The following NCOR1 variants were observed in gnomAD, a reference collection of about 807,000 sequenced individuals.
The protein encoded by NCOR1 is nuclear receptor corepressor 1, also known as protein phosphatase 1, regulatory subunit 109.
NCOR1 carries 63 observed loss-of-function variants against 288.1 expected under a neutral mutation model. The observed-to-expected ratio is 0.22, with a 90% CI of 0.18 to 0.27. The LOEUF (loss-of-function observed/expected upper bound fraction) is 0.27, where lower values mean the gene tolerates loss of function less well. Ranked by LOEUF, NCOR1 falls within the 10% of genes least tolerant of loss-of-function variation. The pLI, the probability that NCOR1 is intolerant of heterozygous loss-of-function variation, is 1.00. For missense variants in NCOR1, 2,397 were observed against 3,019.2 expected, an observed-to-expected ratio of 0.79 and a Z score of 4.83; for synonymous variants, 1,007 against 1,065.9, an observed-to-expected ratio of 0.94 and a Z score of 1.08.
At chr17:16,174,752 G>A (rs541166103) in intron 3 of NCOR1, among the ~76,000 whole-genome samples, 1 of 152,244 alleles carries the variant, frequency 6.6e-6, no homozygotes, top group East Asian at 1.9e-4. Flanking sequence ...AACTAAGCAT[G>A]AAATCTCCAA....
chr17:16,065,996 GT>G (rs925707552), intron 32 of NCOR1: 5 of 389,942 alleles, frequency 1.3e-5, no homozygotes, highest in African/African-American at 1.0e-4. Flanking sequence ...ATCTGCAAGA[GT>G]TGTGTTTGAA....
chr17:16,051,360 C>T (rs766114344), intron 40 of NCOR1, among the ~76,000 whole-genome samples: 1 of 152,134 alleles, frequency 6.6e-6, no homozygotes, highest in Non-Finnish European at 1.5e-5. Context: ...TTATAAAAAT[C>T]ACTCCATACA....
At chr17:16,088,727 C>G (rs546863963) in intron 22 of NCOR1, among the ~76,000 whole-genome samples, 125 of 152,242 alleles carry the variant, frequency 8.2e-4, no homozygotes, top group South Asian at 1.5e-3. Flanking sequence ...TACCATTTTA[C>G]AGATGAGGAA....
chr17:16,106,671 A>G (rs555846858), intron 19 of NCOR1, among the ~76,000 whole-genome samples: 2 of 151,794 alleles, frequency 1.3e-5, no homozygotes, highest in Non-Finnish European at 2.9e-5. Context: ...GAGATTAGGA[A>G]TAAGTATGAG....
At chr17:16,209,501 T>C (rs1856708773) in intron 1 of NCOR1, among the ~76,000 whole-genome samples, 1 of 149,980 alleles carries the variant, frequency 6.7e-6, no homozygotes, top group Admixed American at 6.6e-5. Context: ...GTGGGAGGAT[T>C]ACTTGAGCCC....
intron 45 of NCOR1, 101 bp from the exon 46 acceptor site, chr17:16,032,584 G>A (rs1972307587): frequency 1.7e-6 from 2 of 1,173,952 alleles, no homozygotes; most frequent in Non-Finnish European, 1.2e-6. Flanking sequence ...ATTGTAAAAT[G>A]GTCATGTGAC....
intron 35 of NCOR1, among the ~76,000 whole-genome samples, chr17:16,063,803 C>T (rs997094347): frequency 6.6e-6 from 1 of 152,180 alleles, no homozygotes; most frequent in Non-Finnish European, 1.5e-5. Flanking sequence ...AGCTCTGTGA[C>T]CAATATCTTC....
intron 42 of NCOR1, among the ~76,000 whole-genome samples, chr17:16,041,799 C>A (rs372736284): frequency 6.7e-6 from 1 of 150,262 alleles, no homozygotes; most frequent in Non-Finnish European, 1.5e-5. Context: ...TGCAGCGGTG[C>A]GATCTTGGCT....
intron 1 of NCOR1, among the ~76,000 whole-genome samples, chr17:16,207,223 G>A (rs1164664572): frequency 2.0e-5 from 3 of 152,158 alleles, no homozygotes; most frequent in Admixed American, 6.6e-5. Context: ...TCAAAGTCAT[G>A]ATGATGACTA....
intron 28 of NCOR1, 89 bp downstream of exon 28, chr17:16,073,340 C>G (rs1598214623): frequency 1.7e-6 from 2 of 1,205,286 alleles, no homozygotes; most frequent in Middle Eastern, 4.7e-4. Context: ...GTGGAAATGA[C>G]AGAAATTGCA....
intron 30 of NCOR1, 113 bp downstream of exon 30, chr17:16,071,296 G>T: frequency 1.4e-6 from 2 of 1,411,792 alleles, no homozygotes; most frequent in Non-Finnish European, 1.9e-6. Flanking sequence ...AAACTTTCAT[G>T]TTTACTTCCA....
intron 21 of NCOR1, among the ~76,000 whole-genome samples, chr17:16,092,380 G>C (rs560419269): frequency 6.6e-6 from 1 of 151,672 alleles, no homozygotes; most frequent in African/African-American, 2.4e-5. Context: ...CCAGCTACTC[G>C]GGAGGCTGAC....
chr17:16,122,852 G>A (rs1412930575), intron 15 of NCOR1, among the ~76,000 whole-genome samples: 1 of 152,156 alleles, frequency 6.6e-6, no homozygotes, highest in East Asian at 1.9e-4. Context: ...GCCCAGGGTA[G>A]TCATGAATTC....
chr17:16,158,432 G>A (rs1034520199), intron 6 of NCOR1, among the ~76,000 whole-genome samples: 1 of 152,120 alleles, frequency 6.6e-6, no homozygotes, highest in Admixed American at 6.6e-5. Context: ...CTGCAGGATG[G>A]TTGTTTTGTA....
At chr17:16,125,936 A>G (rs1413783126) in intron 15 of NCOR1, 146 bp downstream of exon 15, 4 of 462,132 alleles carry the variant, frequency 8.7e-6, no homozygotes, top group South Asian at 4.8e-5. Context: ...TATAATGTAC[A>G]CTATTTGGGC....
intron 9 of NCOR1, among the ~76,000 whole-genome samples, chr17:16,148,117 C>T (rs566247546): frequency 6.6e-6 from 1 of 152,116 alleles, no homozygotes; most frequent in African/African-American, 2.4e-5. Flanking sequence ...GCACCTGCCC[C>T]GCTAAATGCA....
chr17:16,050,161 A>G (rs1269709800), intron 40 of NCOR1, among the ~76,000 whole-genome samples: 3 of 151,736 alleles, frequency 2.0e-5, no homozygotes, highest in African/African-American at 7.3e-5. Flanking sequence ...GGCTCAAGCA[A>G]TCCTCCCACC....
Position 16,032,181 on chromosome 17 carries a change from GA to G in NCOR1, c.*114del. On this transcript the variant is annotated 3_prime_UTR_variant, in exon 46 of 46. Transcript: ENST00000268712. ...TCATCATCTGTGGGCTGGCTCTCCT[GA>G]AAAGTCTCAGGGAATAAGTCACAGG... 9.4e-7 allele frequency: 1 copy of G among 1,061,684 alleles called. No homozygotes were observed. The highest frequency in any genetic ancestry group is 1.3e-6 in the Non-Finnish European group (1 of 770,108). The allele number at this position is 1,061,684 out of a possible 1,614,324, so 65.8% of individuals were successfully genotyped here. A position where few individuals can be genotyped will look rare whatever the true frequency, so the allele number is the denominator to read the frequency against.
Position 16,152,212 on chromosome 17 carries a change from T to C in NCOR1, c.790-214A>G, listed in dbSNP as rs904028484. On this transcript the variant is annotated intron_variant, in intron 7 of 45. Transcript: ENST00000268712. ...GGTACACGTGCACAACGTGCAGGTT[T>C]GTTACATATGTATACATGTGCTGTG... Among the ~76,000 whole-genome samples the C allele has an allele frequency of 7.2e-5, 11 of 152,220 alleles. No homozygotes were observed. The South Asian group carries it at 2.3e-3, about 32-fold the overall frequency.
Sources: allele counts gnomAD v4.1 joint callset (sites outside exome capture counted in the v4.1 genomes callset), GRCh38; gene constraint gnomAD v4.1.1; transcripts MANE v1.5; gene names NCBI Gene and HGNC (gene_info 2026-07-23, HGNC 2026-07-21).